The following SRGAP1 variants were observed in gnomAD, a reference collection of about 807,000 sequenced individuals.
SRGAP1 encodes the protein SLIT-ROBO Rho GTPase activating protein 1, also known as SLIT-ROBO Rho GTPase-activating protein 1.
In SRGAP1, 43 loss-of-function variants were observed where a neutral mutation model predicts 121.9. The observed-to-expected ratio is 0.35, with a 90% CI of 0.28 to 0.46. The LOEUF is 0.46. Among genes scored for constraint, SRGAP1 ranks in the 20% least tolerant of loss-of-function variants. The probability of loss-of-function intolerance (pLI) is 1.00; values close to 1 mark genes in which losing one functional copy is unlikely to be tolerated. For missense variants in SRGAP1, 1,102 were observed against 1,350.9 expected (o/e 0.82, Z 2.89); for synonymous variants, 447 against 485.4 (o/e 0.92, Z 1.04).
intron 18 of SRGAP1, among the ~76,000 whole-genome samples, chr12:64,118,540 G>C (rs1370048241): frequency 6.6e-6 from 1 of 152,066 alleles, no homozygotes; most frequent in Admixed American, 6.5e-5. Context: ...GAGATTATAG[G>C]CATGAGCCAT....
intron 4 of SRGAP1, among the ~76,000 whole-genome samples, chr12:64,036,709 G>T (rs2034912750): frequency 6.6e-6 from 1 of 152,202 alleles, no homozygotes; most frequent in Middle Eastern, 3.4e-3. Flanking sequence ...ATTTATTGCT[G>T]GTGCTATTTT....
At chr12:63,996,784 T>A (rs181692540) in intron 3 of SRGAP1, among the ~76,000 whole-genome samples, 1 of 152,246 alleles carries the variant, frequency 6.6e-6, no homozygotes, top group Non-Finnish European at 1.5e-5. Flanking sequence ...TAAATAAGAA[T>A]AGTTCAAGCT....
At chr12:64,080,183 C>G (rs1565671753) in intron 9 of SRGAP1, 103 bp from the exon 10 acceptor site, 2 of 838,230 alleles carry the variant, frequency 2.4e-6, no homozygotes, top group Non-Finnish European at 3.6e-6. Context: ...GAAGAGGTTG[C>G]AGTGAGCCAA....
In SRGAP1 at chr12:64,018,099, T is replaced by C. The variant is rs114446408; in HGVS notation, c.489+1087T>C. Among the ~76,000 whole-genome samples the C allele has an allele frequency of 3.1e-3, 474 of 152,310 alleles. 3 individuals carry two copies. Among genetic ancestry groups the C allele is most frequent in the African/African-American group, 0.011 (445 of 41,574 alleles). ...TATTGTACAAGATTATTTTGTTTGT[T>C]GGTTTGTTTTTGAGGAGTCTTACTC... On this transcript the variant is annotated intron_variant, in intron 4 of 21. Transcript: ENST00000355086.
chr12:63,958,474 G>T (rs1241527694), intron 1 of SRGAP1, among the ~76,000 whole-genome samples: 1 of 152,140 alleles, frequency 6.6e-6, no homozygotes, highest in Non-Finnish European at 1.5e-5. Context: ...TTTCATAGTG[G>T]CCATTAACTA....
intron 17 of SRGAP1, among the ~76,000 whole-genome samples, chr12:64,113,675 A>G (rs1386694523): frequency 6.6e-6 from 1 of 152,202 alleles, no homozygotes; most frequent in Admixed American, 6.5e-5. Context: ...AGAAACTTCA[A>G]TTTCTTGAAC....
intron 15 of SRGAP1, among the ~76,000 whole-genome samples, chr12:64,099,432 G>T (rs1466622475): frequency 9.2e-5 from 14 of 152,134 alleles, no homozygotes; most frequent in African/African-American, 4.8e-5. Context: ...AAGTTAAATA[G>T]AATTTATAGA....
intron 18 of SRGAP1, among the ~76,000 whole-genome samples, chr12:64,118,323 G>A (rs372796302): frequency 2.0e-5 from 3 of 152,244 alleles, no homozygotes; most frequent in African/African-American, 4.8e-5. Context: ...AGGCTGGAGT[G>A]CAGTGGCATG....
At chr12:63,960,135 C>T (rs976913657) in intron 1 of SRGAP1, among the ~76,000 whole-genome samples, 25 of 152,216 alleles carry the variant, frequency 1.6e-4, no homozygotes, top group Non-Finnish European at 3.4e-4. Context: ...AAAATGCCTG[C>T]GTGTTTGGTC....
At chr12:63,997,374 A>G (rs1445201591) in intron 3 of SRGAP1, among the ~76,000 whole-genome samples, 2 of 152,090 alleles carry the variant, frequency 1.3e-5, no homozygotes, top group African/African-American at 4.8e-5. Flanking sequence ...TCACACAATG[A>G]TGAAATTGCC....
chr12:63,934,571 A>G (rs945608987), intron 1 of SRGAP1, among the ~76,000 whole-genome samples: 10 of 151,994 alleles, frequency 6.6e-5, no homozygotes, highest in Admixed American at 5.2e-4. Context: ...GTCTATTTTC[A>G]TACATTATTA....
intron 2 of SRGAP1, among the ~76,000 whole-genome samples, chr12:63,988,265 T>C (rs2033468044): frequency 6.6e-6 from 1 of 152,040 alleles, no homozygotes; most frequent in Admixed American, 6.6e-5. Flanking sequence ...AAAGAATTTG[T>C]GGGTTACTTC....
intron 18 of SRGAP1, among the ~76,000 whole-genome samples, chr12:64,116,691 T>C (rs2036529537): frequency 6.6e-6 from 1 of 152,206 alleles, no homozygotes; most frequent in Admixed American, 6.5e-5. Flanking sequence ...AGTGCTGCTA[T>C]GCACTGTTAG....
chr12:63,866,219 G>T (rs1899625447), intron 1 of SRGAP1, among the ~76,000 whole-genome samples: 1 of 152,104 alleles, frequency 6.6e-6, no homozygotes, highest in Admixed American at 6.5e-5. Context: ...GCTCTCAACT[G>T]GTCATTGTCA....
chr12:63,962,023 G>A (rs911334730), intron 1 of SRGAP1, among the ~76,000 whole-genome samples: 1 of 152,158 alleles, frequency 6.6e-6, no homozygotes, highest in African/African-American at 2.4e-5. Flanking sequence ...CTGATCTTCA[G>A]AACTTCAAGT....
chr12:63,982,172 C>T (rs906350632), intron 1 of SRGAP1, among the ~76,000 whole-genome samples: 2 of 151,558 alleles, frequency 1.3e-5, no homozygotes, highest in Admixed American at 6.6e-5. Flanking sequence ...GATCGCGCCA[C>T]TGCACTCCAG....
In SRGAP1 at chr12:64,155,989, G is replaced by A. The variant is rs749091178; in HGVS notation, c.*13317G>A. ...TGTGCTAACTGCTTTCATATTATCG[G>A]ATTTAGTCCTGTAAGACCGGAATCA... On this transcript the variant is annotated 3_prime_UTR_variant, in exon 22 of 22. Coordinates refer to ENST00000355086, the MANE Select transcript of SRGAP1 (RefSeq NM_020762.4). The A allele has an allele frequency of 5.3e-5, 8 of 152,144 alleles. No individual in the cohort carries two copies. Among genetic ancestry groups the A allele is most frequent in the Non-Finnish European group, 7.3e-5 (5 of 68,040 alleles). The allele number at this position is 152,144 out of a possible 1,614,324, so 9.4% of individuals were successfully genotyped here.
At chr12:64,039,484 A>AT (rs1304312800) in intron 4 of SRGAP1, among the ~76,000 whole-genome samples, 1 of 151,984 alleles carries the variant, frequency 6.6e-6, no homozygotes, top group East Asian at 1.9e-4. Context: ...AGAAGTTCAG[A>AT]TTTTTTCTTT....
intron 16 of SRGAP1, among the ~76,000 whole-genome samples, chr12:64,111,217 G>A (rs925342340): frequency 1.3e-5 from 2 of 152,092 alleles, no homozygotes; most frequent in African/African-American, 2.4e-5. Flanking sequence ...TGTGACACTG[G>A]TTGTCACCTA....
Sources: gnomAD v4.1 joint callset for allele counts (sites outside exome capture counted in the v4.1 genomes callset) on GRCh38, gnomAD v4.1.1 for gene constraint, MANE v1.5 for transcripts, NCBI Gene and HGNC (gene_info 2026-07-23, HGNC 2026-07-21) for gene names.